KDM5C: variants seen among roughly 807,000 people sequenced by gnomAD.
KDM5C encodes the protein lysine-specific demethylase 5C.
KDM5C carries 16 observed loss-of-function variants against 110.6 expected under a neutral mutation model. That is an observed-to-expected ratio of 0.14 (90% CI 0.10 to 0.22). KDM5C has a LOEUF of 0.22. KDM5C is among the 10% of genes least tolerant of loss of function. The probability of loss-of-function intolerance (pLI) is 1.00; values close to 1 mark genes in which losing one functional copy is unlikely to be tolerated. For synonymous variants in KDM5C, 511 were observed against 520.4 expected, an observed-to-expected ratio of 0.98 and a Z score of 0.24; for missense variants, 681 against 1,300.9, an observed-to-expected ratio of 0.52 and a Z score of 7.33.
chrX:53,189,868 G>A (rs373548320), downstream of KDM5C, among the ~76,000 whole-genome samples: 45 of 112,164 alleles, frequency 4.0e-4, no homozygotes, highest in East Asian at 4.0e-3. Flanking sequence ...CAGACACCAG[G>A]TAAGGCACAG....
intron 18 of KDM5C, 58 bp downstream of exon 18, chrX:53,197,713 C>T (rs782546336): frequency 1.4e-4 from 136 of 958,305 alleles, no homozygotes; most frequent in Non-Finnish European, 2.0e-4. Context: ...CAAGCATGGC[C>T]TGCTGCTCAG....
chrX:53,192,654 T>C lies in KDM5C; in HGVS notation c.*313A>G, dbSNP rs1252961394. On this transcript the variant is annotated 3_prime_UTR_variant, in exon 26 of 26. Coordinates refer to ENST00000375401, the MANE Select transcript of KDM5C (RefSeq NM_004187.5). ...TTTGCATATACACTGGCCTTGTCTCTGGAATGGTGATGGCCCAGCCCCAGC... is the reference window on the plus strand; with the variant it reads ...TTTGCATATACACTGGCCTTGTCTCCGGAATGGTGATGGCCCAGCCCCAGC... The C allele has an allele frequency of 1.5e-5, 15 of 1,004,082 alleles. No homozygotes were observed. The highest frequency in any genetic ancestry group is 2.1e-5 in the Non-Finnish European group (15 of 729,322). The allele number at this position is 1,004,082 out of a possible 1,213,427, so 82.7% of individuals were successfully genotyped here.
intron 1 of KDM5C, among the ~76,000 whole-genome samples, chrX:53,224,104 G>T (rs1342262365): frequency 1.8e-5 from 2 of 111,953 alleles, no homozygotes; most frequent in African/African-American, 6.5e-5. Flanking sequence ...AACCTACATA[G>T]GAATAAACCA....
In KDM5C at chrX:53,216,055, C is replaced by T; in HGVS notation, c.781+19G>A. 3.3e-6 allele frequency: 4 copies of T among 1,212,432 alleles called. No homozygotes were observed. The highest frequency in any genetic ancestry group is 4.5e-6 in the Non-Finnish European group (4 of 895,617). On this transcript the variant is annotated intron_variant, in intron 6 of 25. Coordinates refer to ENST00000375401, the MANE Select transcript of KDM5C (RefSeq NM_004187.5). ...ACTTTTCTCCCCAGGTGAGGCCACCCCAGCCTGTTAGGCCTTACCTTTCTT... is the reference window on the plus strand; with the variant it reads ...ACTTTTCTCCCCAGGTGAGGCCACCTCAGCCTGTTAGGCCTTACCTTTCTT...
At chrX:53,193,687 C>T (rs781928280) in intron 24 of KDM5C, 51 bp from the exon 25 acceptor site, 7 of 1,185,757 alleles carry the variant, frequency 5.9e-6, no homozygotes, top group Admixed American at 2.2e-5. Flanking sequence ...TGGTCTTATC[C>T]CCACCACTAC....
Position 53,192,855 on chromosome X carries a change from A to T in KDM5C, c.*112T>A. 8 of 746,075 alleles carry T rather than the reference A, an allele frequency of 1.1e-5. No homozygotes were observed. The highest frequency in any genetic ancestry group is 2.6e-5 in the South Asian group (1 of 38,380). The allele number at this position is 746,075 out of a possible 1,213,427, so 61.5% of individuals were successfully genotyped here. ...ACTCAGGGGTGGGCGGGTAGCAGGG[A>T]TGGCCACCCCCCTACCCGCCCACCC... On this transcript the variant is annotated 3_prime_UTR_variant, in exon 26 of 26. Coordinates refer to ENST00000375401, the MANE Select transcript of KDM5C (RefSeq NM_004187.5).
At chrX:53,198,238 C>T (rs1035380202) in intron 17 of KDM5C, among the ~76,000 whole-genome samples, 1 of 111,590 alleles carries the variant, frequency 9.0e-6, no homozygotes, top group Non-Finnish European at 1.9e-5. Context: ...TCTCTCAGGC[C>T]ACTTCCAGGT....
intron 8 of KDM5C, among the ~76,000 whole-genome samples, chrX:53,213,229 A>G (rs1295284338): frequency 6.3e-5 from 7 of 111,531 alleles, no homozygotes; most frequent in Non-Finnish European, 1.3e-4. Flanking sequence ...ACTGACTTAT[A>G]ACCACTTAGA....
At position 53,192,712 on chromosome X, in the gene KDM5C, T is replaced by C; in HGVS notation, c.*255A>G. 1 of 1,130,161 alleles carries C rather than the reference T, an allele frequency of 8.8e-7. No individual in the cohort carries two copies. The highest frequency in any genetic ancestry group is 1.2e-6 in the Non-Finnish European group (1 of 845,159). The allele number at this position is 1,130,161 out of a possible 1,213,427, so 93.1% of individuals were successfully genotyped here. On this transcript the variant is annotated 3_prime_UTR_variant, in exon 26 of 26. Transcript: ENST00000375401. ...CTGCCCACCAGCCCATCCATCTATCTGCCTCAGGTGTCTGGGAATGCTGGT... is the reference window on the plus strand; with the variant it reads ...CTGCCCACCAGCCCATCCATCTATCCGCCTCAGGTGTCTGGGAATGCTGGT...
intron 25 of KDM5C, among the ~76,000 whole-genome samples, chrX:53,178,747 C>T (rs1041591708): frequency 2.7e-5 from 3 of 112,360 alleles, no homozygotes; most frequent in Non-Finnish European, 1.9e-5. Context: ...AGGCATGATC[C>T]ATGAAAGAAA....
intron 8 of KDM5C, chrX:53,212,721 C>T (rs1415821869): frequency 9.1e-6 from 1 of 109,889 alleles, no homozygotes; most frequent in African/African-American, 3.3e-5. Context: ...AAAACAGGGC[C>T]GGGCATGGTG....
At chrX:53,215,519 G>A (rs1556851335) in intron 7 of KDM5C, among the ~76,000 whole-genome samples, 1 of 111,878 alleles carries the variant, frequency 8.9e-6, no homozygotes, top group African/African-American at 3.3e-5. Context: ...ATCATGCATG[G>A]TAATGAGGAG....
At chrX:53,213,958 T>C (rs1404776126) in intron 8 of KDM5C, among the ~76,000 whole-genome samples, 1 of 110,645 alleles carries the variant, frequency 9.0e-6, no homozygotes, top group Non-Finnish European at 1.9e-5. Flanking sequence ...TTCCAAAATG[T>C]CTTTTTTTTT....
At chrX:53,195,477 G>A (rs1556836112) in intron 20 of KDM5C, 67 bp from the exon 21 acceptor site, 1 of 1,025,528 alleles carries the variant, frequency 9.8e-7, no homozygotes, top group Admixed American at 2.5e-5. Flanking sequence ...CTCTGTGCCT[G>A]GCCCTGAGCT....
rs1556838661 is a variant in KDM5C at position 53,197,818 on chromosome X, G to C, written c.2575C>G (p.Gln859Glu). 1 of 1,203,330 alleles carries C rather than the reference G, an allele frequency of 8.3e-7. No individual in the cohort carries two copies. The highest frequency in any genetic ancestry group is 1.8e-5 in the South Asian group (1 of 55,402). The change falls in exon 18 of 26, where the codon CAG becomes GAG. Residue 859 changes from glutamine to glutamate, a missense_variant. By Grantham distance (29) the Gln-to-Glu change is conservative. Coordinates refer to ENST00000375401, the MANE Select transcript of KDM5C (RefSeq NM_004187.5). Reference protein sequence around the residue: ...TLTELRAFLDQMNNLPCAMHQ... With the variant: ...TLTELRAFLDEMNNLPCAMHQ... The stretch of plus-strand genomic sequence containing the variant: ...ATGGCGCAAGGCAGGTTGTTCATCT[G>C]GTCCAGAAAGGCCCGGAGCTCAGTC...
intron 8 of KDM5C, among the ~76,000 whole-genome samples, chrX:53,213,959 C>CT (rs1348487424): frequency 0.016 from 1,657 of 104,588 alleles, 39 homozygotes; most frequent in African/African-American, 0.052. Flanking sequence ...TCCAAAATGT[C>CT]TTTTTTTTTT....
Position 53,198,754 on chromosome X carries a change from C to CA in KDM5C, c.2368+9dup, listed in dbSNP as rs782183342. ...GCCTGTGGAGTCCCTCCATCCCCCC[C>CA]ATCACTCACTGCGCTTCCGCCCATC... On this transcript the variant is annotated intron_variant, in intron 16 of 25. Transcript: ENST00000375401. The CA allele has an allele frequency of 5.8e-6, 7 of 1,210,636 alleles. No individual in the cohort carries two copies. The highest frequency in any genetic ancestry group is 7.8e-6 in the Non-Finnish European group (7 of 895,356).
In KDM5C at chrX:53,196,941, C is replaced by A; in HGVS notation, c.2726G>T (p.Arg909Leu). ...CTCAGGCACCTCCACCCCCAGCTGC[C>A]GCCCCCTCTCCAACAGGGACTGCAG... ...GLLQSLLERG[R>L]QLGVEVPEAQ... is the part of the protein sequence containing the mutation. The change falls in exon 19 of 26, where the codon CGG becomes CTG. Residue 909 changes from arginine to leucine, a missense_variant. This residue lies in a region of KDM5C where 123 missense variants were observed against 169.0 expected (regional missense o/e 0.73). Transcript: ENST00000375401. 1 of 1,197,360 alleles carries A rather than the reference C, an allele frequency of 8.4e-7. No individual in the cohort carries two copies. The highest frequency in any genetic ancestry group is 3.0e-5 in the East Asian group (1 of 33,101).
At chrX:53,222,087 T>C (rs1418414329) in intron 1 of KDM5C, among the ~76,000 whole-genome samples, 1 of 111,057 alleles carries the variant, frequency 9.0e-6, no homozygotes, top group Admixed American at 9.6e-5. Flanking sequence ...CAAAATTACA[T>C]GCTGAGTTAG....
Sources: gnomAD v4.1 joint callset for allele counts (sites outside exome capture counted in the v4.1 genomes callset) on GRCh38, gnomAD v4.1.1 for gene constraint, gnomAD v4.1.1 regional missense constraint, MANE v1.5 for transcripts, NCBI Gene and HGNC (gene_info 2026-07-23, HGNC 2026-07-21) for gene names.